The following KLRG2 variants were observed in gnomAD, a reference collection of about 807,000 sequenced individuals.
KLRG2 encodes killer cell lectin like receptor G2, also known as killer cell lectin-like receptor subfamily G member 2.
In KLRG2, 39 loss-of-function variants were observed where a neutral mutation model predicts 35.4. The ratio of observed to expected loss-of-function variants is 1.10; its 90% CI spans 0.85 to 1.44. KLRG2 has a LOEUF of 1.44. KLRG2 is among the 40% of genes most tolerant of loss of function. The pLI, the probability that KLRG2 is intolerant of heterozygous loss-of-function variation, is 0.00. For synonymous variants in KLRG2, 283 were observed against 265.8 expected (o/e 1.06, Z -0.63); for missense variants, 632 against 570.9 (o/e 1.11, Z -1.09).
At chr7:139,431,955 C>T in the KLRG2 span, among the ~76,000 whole-genome samples, 3 of 152,016 alleles carry the variant, frequency 2.0e-5, no homozygotes, top group African/African-American at 7.3e-5. Flanking sequence ...TCTTGTGGAC[C>T]TTTTAAAACA....
chr7:139,483,400 C>A lies in KLRG2; in HGVS notation c.243G>T (p.Pro81=), dbSNP rs751651764. ...PSPRPGSPRV[P]PLSLGYGVCP... is the part of the protein sequence containing the mutation. ...AGACCCCGTAGCCCAGGCTGAGCGG[C>A]GGCACGCGCGGGGACCCGGGGCGAG... The change falls in exon 1 of 5, where the codon CCG becomes CCT. Residue 81 remains proline, a synonymous_variant. Transcript: ENST00000340940. 6.5e-7 allele frequency: 1 copy of A among 1,539,516 alleles called. No individual in the cohort carries two copies. The highest frequency in any genetic ancestry group is 8.7e-7 in the Non-Finnish European group (1 of 1,155,732).
rs536331498 is a variant in KLRG2, at chr7:139,461,855, C to T, written c.1006-7641G>A. ...GTTTGGTGGTCTCTTCACACGGATG[C>T]GTGTGACATTTGGTGCCATGACTCG... On this transcript the variant is annotated intron_variant, in intron 3 of 4. Transcript: ENST00000340940. Among the ~76,000 whole-genome samples, 385 of 152,268 alleles carry T rather than the reference C, an allele frequency of 2.5e-3. 1 individual carries two copies. The highest frequency in any genetic ancestry group is 3.9e-3 in the Non-Finnish European group (266 of 68,022).
At chr7:139,430,022 C>T in the KLRG2 span, among the ~76,000 whole-genome samples, 58,426 of 152,162 alleles carry the variant, frequency 0.38, 15,646 homozygotes, top group African/African-American at 0.76. Flanking sequence ...GATCTCTAAA[C>T]ACTCTGAATC....
intron 3 of KLRG2, among the ~76,000 whole-genome samples, chr7:139,455,359 T>A (rs1319163739): frequency 1.4e-5 from 2 of 148,086 alleles, no homozygotes; most frequent in East Asian, 2.0e-4. Context: ...TCTCGCTCTG[T>A]TGCCCAGGCT....
intron 3 of KLRG2, among the ~76,000 whole-genome samples, chr7:139,473,152 G>A (rs1018170950): frequency 6.6e-6 from 1 of 152,046 alleles, no homozygotes; most frequent in African/African-American, 2.4e-5. Flanking sequence ...GTGGTGGTTC[G>A]ACCCTATAAT....
intron 3 of KLRG2, among the ~76,000 whole-genome samples, chr7:139,476,275 C>A (rs1425657957): frequency 6.6e-6 from 1 of 151,988 alleles, no homozygotes; most frequent in Non-Finnish European, 1.5e-5. Flanking sequence ...AAAAGACATG[C>A]GACCTAGGAA....
At position 139,461,867 on chromosome 7, in the gene KLRG2, G is replaced by A. The variant is rs939624716; in HGVS notation, c.1006-7653C>T. Among the ~76,000 whole-genome samples, 8 of 152,092 alleles carry A rather than the reference G, an allele frequency of 5.3e-5. 1 individual carries two copies. Among genetic ancestry groups the A allele is most frequent in the East Asian group, 1.9e-4 (1 of 5,196 alleles). On this transcript the variant is annotated intron_variant, in intron 3 of 4. Coordinates refer to ENST00000340940, the MANE Select transcript of KLRG2 (RefSeq NM_198508.4). The stretch of plus-strand genomic sequence containing the variant: ...CTTCACACGGATGCGTGTGACATTT[G>A]GTGCCATGACTCGGATCAGGGATCC...
Position 139,454,191 on chromosome 7 carries a change from G to A in KLRG2, c.1029C>T (p.Val343=). The A allele has an allele frequency of 6.5e-7, 1 of 1,540,550 alleles. No individual in the cohort carries two copies. Among genetic ancestry groups the A allele is most frequent in the South Asian group, 1.2e-5 (1 of 83,686 alleles). ...HTQDFLGRYP[V]SRHSWVGAWR... is the part of the protein sequence containing the mutation. ...AGGCCCCCACCCAGGAGTGCCTGGA[G>A]ACTGGGTATCTGCCCAGGAAGTCCT... The change falls in exon 4 of 5, where the codon GTC becomes GTT. Residue 343 remains valine (V), a synonymous_variant. Transcript: ENST00000340940.
At chr7:139,460,695 A>T (rs1233413243) in intron 3 of KLRG2, among the ~76,000 whole-genome samples, 1 of 151,946 alleles carries the variant, frequency 6.6e-6, no homozygotes, top group Non-Finnish European at 1.5e-5. Flanking sequence ...ACAGTGGGTC[A>T]CACCTGTAAT....
chr7:139,468,163 A>G (rs1209416696), intron 3 of KLRG2, among the ~76,000 whole-genome samples: 1 of 152,098 alleles, frequency 6.6e-6, no homozygotes, highest in East Asian at 1.9e-4. Flanking sequence ...TGACCCTGCC[A>G]CATCCCCCTC....
At chr7:139,477,133 A>C (rs1796864819) in intron 3 of KLRG2, among the ~76,000 whole-genome samples, 1 of 152,172 alleles carries the variant, frequency 6.6e-6, no homozygotes, top group African/African-American at 2.4e-5. Context: ...GGGAATGTAA[A>C]ATTGCACAGC....
At chr7:139,450,567 T>G (rs1796363769), downstream of KLRG2, among the ~76,000 whole-genome samples, 1 of 152,216 alleles carries the variant, frequency 6.6e-6, no homozygotes, top group South Asian at 2.1e-4. Flanking sequence ...CACAGGGACT[T>G]ACAAAGCCAT....
chr7:139,457,468 G>A (rs142587147), intron 3 of KLRG2, among the ~76,000 whole-genome samples: 2 of 152,264 alleles, frequency 1.3e-5, no homozygotes, highest in East Asian at 1.9e-4. Flanking sequence ...TTTCAGAGCC[G>A]CTGTGTGGTC....
chr7:139,435,155 T>G, the KLRG2 span, among the ~76,000 whole-genome samples: 2 of 152,222 alleles, frequency 1.3e-5, no homozygotes, highest in African/African-American at 4.8e-5. Context: ...GCTACCTTTC[T>G]TAAAAAAACT....
chr7:139,477,033 C>T (rs1326038672), intron 3 of KLRG2, among the ~76,000 whole-genome samples: 4 of 152,130 alleles, frequency 2.6e-5, no homozygotes, highest in Middle Eastern at 3.2e-3. Context: ...AAAGCACTGA[C>T]GGAAGGAGTG....
the KLRG2 span, among the ~76,000 whole-genome samples, chr7:139,435,218 A>G: frequency 6.6e-6 from 1 of 152,212 alleles, no homozygotes; most frequent in Non-Finnish European, 1.5e-5. Flanking sequence ...GGCTGGGCGC[A>G]GTGGCTCACG....
the KLRG2 span, among the ~76,000 whole-genome samples, chr7:139,432,544 A>AAC: frequency 9.9e-6 from 1 of 100,816 alleles, no homozygotes; most frequent in African/African-American, 3.6e-5. Context: ...TGATTGCAGG[A>AAC]CCCCCCCCCC....
the KLRG2 span, among the ~76,000 whole-genome samples, chr7:139,428,454 A>C: frequency 1.3e-5 from 2 of 151,988 alleles, no homozygotes; most frequent in Non-Finnish European, 2.9e-5. Flanking sequence ...AGATGGGATC[A>C]CACTATGTTT....
At chr7:139,442,275 T>C in the KLRG2 span, among the ~76,000 whole-genome samples, 1 of 152,156 alleles carries the variant, frequency 6.6e-6, no homozygotes, top group Non-Finnish European at 1.5e-5. Flanking sequence ...GGAGCAACTG[T>C]CCACCATGAG....
Sources: gnomAD v4.1 joint callset for allele counts (sites outside exome capture counted in the v4.1 genomes callset) on GRCh38, gnomAD v4.1.1 for gene constraint, MANE v1.5 for transcripts, NCBI Gene and HGNC (gene_info 2026-07-23, HGNC 2026-07-21) for gene names.